IMPA2: variants seen among roughly 807,000 people sequenced by gnomAD.
IMPA2 encodes the protein IMP 2.
Under a neutral mutation model 35.1 loss-of-function variants are expected in IMPA2, and 32 were observed. The ratio of observed to expected loss-of-function variants is 0.91; its 90% confidence interval spans 0.69 to 1.23. The LOEUF is 1.23. Among genes scored for constraint, IMPA2 ranks in the 50% most tolerant of loss-of-function variants. The pLI is 0.00. For missense variants in IMPA2, 334 were observed against 387.6 expected, an observed-to-expected ratio of 0.86 and a Z score of 1.16; for synonymous variants, 135 against 160.6, an observed-to-expected ratio of 0.84 and a Z score of 1.20.
At chr18:12,014,170 G>A (rs537855950) in intron 4 of IMPA2, 95 bp from the exon 5 acceptor site, 8 of 834,882 alleles carry the variant, frequency 9.6e-6, no homozygotes, top group South Asian at 5.7e-5. Context: ...TTATCCTAAC[G>A]CCTAGCGCAG....
intron 5 of IMPA2, 42 bp downstream of exon 5, chr18:12,014,415 A>G (rs1907522232): frequency 1.6e-6 from 2 of 1,233,354 alleles, no homozygotes; most frequent in Admixed American, 2.5e-5. Flanking sequence ...TCTGAAATAA[A>G]AGTGTGAAAG....
Position 12,012,432 on chromosome 18 carries a change from C to T in IMPA2, c.381+217C>T, listed in dbSNP as rs1206247759. On this transcript the variant is annotated intron_variant, in intron 4 of 7. Transcript: ENST00000269159. Reference sequence around the variant, plus strand: ...TGGGGCTCCGTGGCTGGCCCTTGTCCCCCGTGGAGGGCTGGCCTCGTGTCA... The same window carrying T: ...TGGGGCTCCGTGGCTGGCCCTTGTCTCCCGTGGAGGGCTGGCCTCGTGTCA... 4 of 573,142 alleles carry T rather than the reference C, an allele frequency of 7.0e-6. No individual in the cohort carries two copies. In the African/African-American group the frequency reaches 7.5e-5, roughly 11 times the overall value. The allele number at this position is 573,142 out of a possible 1,614,324, so 35.5% of individuals were successfully genotyped here. A position where few individuals can be genotyped will look rare whatever the true frequency, so the allele number is the denominator to read the frequency against.
intron 6 of IMPA2, chr18:12,028,603 G>A (rs1907948449): frequency 3.7e-6 from 2 of 539,460 alleles, no homozygotes; most frequent in Non-Finnish European, 3.3e-6. Flanking sequence ...CTGCATCTCA[G>A]GTGCTCAGTA....
At chr18:12,008,498 C>G in intron 2 of IMPA2, 2 of 463,944 alleles carry the variant, frequency 4.3e-6, no homozygotes, top group Non-Finnish European at 8.7e-6. Context: ...AAGCACTGCC[C>G]TGAATGCTTT....
At position 11,981,762 on chromosome 18, in the gene IMPA2, A is replaced by T; in HGVS notation, c.93A>T (p.Gly31=). The change falls in exon 1 of 8, where the codon GGA becomes GGT. Residue 31 remains glycine, a synonymous_variant. Transcript: ENST00000269159. Reference sequence around the variant, plus strand: ...CCGTGCAGCTGGCGCTGCGGGCAGGACAGGTGAGCGCCACGGCTGGGCTCG... The same window carrying T: ...CCGTGCAGCTGGCGCTGCGGGCAGGTCAGGTGAGCGCCACGGCTGGGCTCG... The part of the protein sequence containing the change: ...QAAVQLALRA[G]QIIRKALTEE... 8.2e-7 allele frequency: 1 copy of T among 1,225,586 alleles called. No homozygotes were observed. Among genetic ancestry groups the T allele is most frequent in the South Asian group, 4.1e-5 (1 of 24,388 alleles). The allele number at this position is 1,225,586 out of a possible 1,614,324, so 75.9% of individuals were successfully genotyped here. A position where few individuals can be genotyped will look rare whatever the true frequency, so the allele number is the denominator to read the frequency against.
At chr18:12,000,332 C>G (rs974423587) in intron 2 of IMPA2, among the ~76,000 whole-genome samples, 1 of 118,670 alleles carries the variant, frequency 8.4e-6, no homozygotes, top group Non-Finnish European at 1.6e-5. Context: ...CTCCACCTGG[C>G]TCTTTTTTTT....
rs758269140 is a variant in IMPA2 at position 12,014,354 on chromosome 18, C to T, written c.471C>T (p.Leu157=). The change falls in exon 5 of 8, where the codon CTC becomes CTT. Residue 157 remains leucine (L), a synonymous_variant. Transcript: ENST00000269159. ...GRGAFCNGQR[L]RVSGETDLSK... is the part of the protein sequence containing the mutation. ...GCGCCTTCTGCAATGGCCAGCGGCTCCGGGTCTCCGGGGAGACAGGTGGGC... is the reference window on the plus strand; with the variant it reads ...GCGCCTTCTGCAATGGCCAGCGGCTTCGGGTCTCCGGGGAGACAGGTGGGC... 1 of 1,596,006 alleles carries T rather than the reference C, an allele frequency of 6.3e-7. No individual in the cohort carries two copies. The highest frequency in any genetic ancestry group is 8.5e-7 in the Non-Finnish European group (1 of 1,170,886).
At chr18:12,023,031 A>G (rs1907780666) in intron 5 of IMPA2, among the ~76,000 whole-genome samples, 1 of 148,918 alleles carries the variant, frequency 6.7e-6, no homozygotes, top group East Asian at 2.0e-4. Context: ...CTGGCCTCAA[A>G]TGATCTACCT....
intron 1 of IMPA2, among the ~76,000 whole-genome samples, chr18:11,984,900 G>T (rs1185968896): frequency 6.6e-6 from 1 of 151,346 alleles, no homozygotes; most frequent in Non-Finnish European, 1.5e-5. Flanking sequence ...CCCGGGAGGC[G>T]GAGTTTGCAG....
rs145595940 is a variant in IMPA2, at chr18:12,011,524, C to T, written c.336-646C>T. Among the ~76,000 whole-genome samples, 1,188 of 152,342 alleles carry T rather than the reference C, an allele frequency of 7.8e-3. 7 individuals carry two copies. The highest frequency in any genetic ancestry group is 0.012 in the Non-Finnish European group (825 of 68,024). ...TTGCATTTGTGTACAATTGGTTTTG[C>T]ATTTTTCCTGTCAGTTTGCAGTACC... On this transcript the variant is annotated intron_variant, in intron 3 of 7. Transcript: ENST00000269159.
chr18:12,008,019 C>T (rs7237078), intron 2 of IMPA2, among the ~76,000 whole-genome samples: 20,687 of 151,590 alleles, frequency 0.14, 1,561 homozygotes, highest in Admixed American at 0.21. Context: ...TGGAGTGCAG[C>T]GGTGTGATCT....
chr18:12,003,663 AAGAAAAGG>A (rs536711177), intron 2 of IMPA2, among the ~76,000 whole-genome samples: 1,496 of 41,870 alleles, frequency 0.036, 46 homozygotes, highest in African/African-American at 0.2. Context: ...AAAAAAAAAA[AAGAAAAGG>A]AAAAAAAAAA....
intron 5 of IMPA2, chr18:12,018,367 A>AT (rs1246403956): frequency 6.6e-6 from 1 of 152,248 alleles, no homozygotes; most frequent in Non-Finnish European, 1.5e-5. Context: ...CTGCATCCTC[A>AT]TTGGGATAGC....
At chr18:12,022,941 ATTTTTTT>A (rs35737614) in intron 5 of IMPA2, among the ~76,000 whole-genome samples, 88 of 81,698 alleles carry the variant, frequency 1.1e-3, no homozygotes, top group Non-Finnish European at 1.5e-3. Context: ...CGCCTGCCTA[ATTTTTTT>A]TTTTTTTTTT....
intron 2 of IMPA2, chr18:12,008,725 G>T: frequency 2.8e-6 from 1 of 362,128 alleles, no homozygotes; most frequent in South Asian, 2.0e-5. Context: ...AGCAGGGGGT[G>T]CTGGGAGTTG....
chr18:12,006,297 T>G (rs548433379), intron 2 of IMPA2, among the ~76,000 whole-genome samples: 13 of 152,314 alleles, frequency 8.5e-5, no homozygotes, highest in Admixed American at 7.2e-4. Context: ...CTCCTAGATC[T>G]GTTTGGGGAG....
At chr18:12,019,939 A>G (rs1219514432) in intron 5 of IMPA2, among the ~76,000 whole-genome samples, 1 of 152,128 alleles carries the variant, frequency 6.6e-6, no homozygotes, top group Non-Finnish European at 1.5e-5. Context: ...GTAGTGGCAC[A>G]ATCTCGGTTT....
chr18:11,983,565 G>C (rs1450958340), intron 1 of IMPA2, among the ~76,000 whole-genome samples: 1 of 152,114 alleles, frequency 6.6e-6, no homozygotes, highest in Non-Finnish European at 1.5e-5. Context: ...CAGTTCTAAG[G>C]CTCCTATGAC....
intron 5 of IMPA2, among the ~76,000 whole-genome samples, chr18:12,023,569 C>T (rs1287447279): frequency 6.6e-6 from 1 of 152,196 alleles, no homozygotes; most frequent in Non-Finnish European, 1.5e-5. Flanking sequence ...GGCGGACTTT[C>T]CTCCACCCAC....
Sources: allele counts gnomAD v4.1 joint callset (sites outside exome capture counted in the v4.1 genomes callset), GRCh38; gene constraint gnomAD v4.1.1; transcripts MANE v1.5; gene names NCBI Gene and HGNC (gene_info 2026-07-23, HGNC 2026-07-21).